PACRGL: variants seen among roughly 807,000 people sequenced by gnomAD.
PACRGL encodes the protein parkin coregulated like, also known as PACRG-like protein.
Under a neutral mutation model 34.5 loss-of-function variants are expected in PACRGL, and 38 were observed. The observed-to-expected ratio is 1.10, with a 90% CI of 0.85 to 1.44. The LOEUF (loss-of-function observed/expected upper bound fraction) is 1.44, where lower values mean the gene tolerates loss of function less well. Among genes scored for constraint, PACRGL ranks in the 40% most tolerant of loss-of-function variants. The pLI is 0.00. For synonymous variants in PACRGL, 128 were observed against 100.1 expected, an observed-to-expected ratio of 1.28 and a Z score of -1.66; for missense variants, 305 against 281.4, an observed-to-expected ratio of 1.08 and a Z score of -0.60.
upstream of PACRGL, among the ~76,000 whole-genome samples, chr4:20,697,434 G>A (rs542722322): frequency 1.1e-4 from 17 of 151,976 alleles, no homozygotes; most frequent in East Asian, 3.9e-4. Context: ...AAAAAAAATC[G>A]TCCTGAGTGG....
At chr4:20,758,066 C>T in the PACRGL span, among the ~76,000 whole-genome samples, 24 of 152,266 alleles carry the variant, frequency 1.6e-4, no homozygotes, top group Non-Finnish European at 3.4e-4. Context: ...TCTTAATTCC[C>T]CCTACGTGAT....
intron 7 of PACRGL, among the ~76,000 whole-genome samples, chr4:20,720,814 C>G (rs1742710649): frequency 6.6e-6 from 1 of 152,030 alleles, no homozygotes; most frequent in African/African-American, 2.4e-5. Flanking sequence ...TGGAGTTGCT[C>G]TTCTCAAGAA....
chr4:20,704,999 G>T (rs1733890315), intron 3 of PACRGL, among the ~76,000 whole-genome samples, 185 bp downstream of exon 3: 2 of 152,164 alleles, frequency 1.3e-5, no homozygotes, highest in South Asian at 4.1e-4. Flanking sequence ...TGAGTATGGA[G>T]GTAAGGAGAC....
intron 7 of PACRGL, among the ~76,000 whole-genome samples, chr4:20,723,869 G>A (rs1016456897): frequency 6.6e-6 from 1 of 151,992 alleles, no homozygotes; most frequent in Non-Finnish European, 1.5e-5. Flanking sequence ...TTAGTTCCTG[G>A]TCTATTACCA....
At chr4:20,706,296 A>T (rs1734439313) in intron 3 of PACRGL, among the ~76,000 whole-genome samples, 1 of 152,138 alleles carries the variant, frequency 6.6e-6, no homozygotes, top group Non-Finnish European at 1.5e-5. Context: ...GGGTATATTG[A>T]AATTTTAGGG....
At chr4:20,713,072 C>T in intron 6 of PACRGL, 150 bp downstream of exon 6, 2 of 811,172 alleles carry the variant, frequency 2.5e-6, no homozygotes, top group Non-Finnish European at 3.5e-6. Flanking sequence ...CAGAATTAGG[C>T]AACTGTTACT....
chr4:20,710,097 A>G (rs928848269), intron 5 of PACRGL, among the ~76,000 whole-genome samples: 3 of 152,198 alleles, frequency 2.0e-5, no homozygotes, highest in African/African-American at 7.2e-5. Context: ...TAAGGAAAAC[A>G]TCAGGGATTA....
At chr4:20,719,815 G>T (rs954508113) in intron 7 of PACRGL, among the ~76,000 whole-genome samples, 1 of 151,966 alleles carries the variant, frequency 6.6e-6, no homozygotes, top group African/African-American at 2.4e-5. Flanking sequence ...TGTTGATTTG[G>T]GGTGGAGAGT....
intron 1 of PACRGL, chr4:20,701,754 C>G (rs192604119): frequency 5.1e-5 from 22 of 430,170 alleles, no homozygotes; most frequent in Admixed American, 4.4e-4. Context: ...CTCCCTCCCC[C>G]CAGTCTCTTT....
At chr4:20,762,408 A>G in the PACRGL span, among the ~76,000 whole-genome samples, 13 of 152,230 alleles carry the variant, frequency 8.5e-5, no homozygotes, top group African/African-American at 3.1e-4. Flanking sequence ...CTAAATATTA[A>G]AAAATCAAAT....
upstream of PACRGL, among the ~76,000 whole-genome samples, chr4:20,700,078 A>C (rs1043855358): frequency 2.0e-5 from 3 of 152,088 alleles, no homozygotes; most frequent in Non-Finnish European, 4.4e-5. Flanking sequence ...CGGGGGGAGG[A>C]GTTCACAGTC....
chr4:20,713,125 G>A (rs1052076231), intron 6 of PACRGL: 15 of 579,344 alleles, frequency 2.6e-5, no homozygotes, highest in Admixed American at 3.6e-5. Flanking sequence ...TTTAGAGGAT[G>A]TACTAAAGGT....
intron 8 of PACRGL, among the ~76,000 whole-genome samples, chr4:20,744,721 A>G (rs554046783): frequency 2.6e-5 from 4 of 152,312 alleles, no homozygotes; most frequent in Admixed American, 6.5e-5. Flanking sequence ...TACATATGTA[A>G]CAAACCTGCA....
At chr4:20,727,255 T>G in intron 8 of PACRGL, 30 bp from the exon 9 acceptor site, 1 of 1,575,106 alleles carries the variant, frequency 6.3e-7, no homozygotes, top group Non-Finnish European at 8.7e-7. Flanking sequence ...TGCATGATAC[T>G]AATGATGCTC....
the PACRGL span, among the ~76,000 whole-genome samples, chr4:20,763,853 C>T: frequency 2.0e-5 from 3 of 152,260 alleles, no homozygotes; most frequent in East Asian, 5.8e-4. Flanking sequence ...CCCAGCCTCC[C>T]ACTGATGTTG....
the PACRGL span, among the ~76,000 whole-genome samples, chr4:20,766,564 TCAAACAAACAAA>T: frequency 3.3e-5 from 5 of 152,110 alleles, no homozygotes; most frequent in East Asian, 9.7e-4. Context: ...AAACTCCATC[TCAAACAAACAAA>T]CAAACAAACA....
In PACRGL at chr4:20,729,160, A is replaced by G. The variant is rs1246224870; in HGVS notation, c.*1819A>G. On this transcript the variant is annotated 3_prime_UTR_variant, in exon 9 of 9. Transcript: ENST00000503585. The stretch of plus-strand genomic sequence containing the variant: ...TAATATAAATAAACATGCTGTAAGG[A>G]AGTCAGGGGAAAGAGGACAGATTTG... 1 of 152,522 alleles carries G rather than the reference A, an allele frequency of 6.6e-6. No homozygotes were observed. 9.4% of individuals were successfully genotyped at this position (152,522 alleles called of 1,614,324 possible). A position where few individuals can be genotyped will look rare whatever the true frequency, so the allele number is the denominator to read the frequency against.
intron 8 of PACRGL, among the ~76,000 whole-genome samples, chr4:20,747,775 G>GA (rs1217273064): frequency 6.6e-6 from 1 of 152,176 alleles, no homozygotes; most frequent in Non-Finnish European, 1.5e-5. Context: ...CATGGAGTAT[G>GA]TGTGAGGAGG....
chr4:20,747,378 A>G (rs1012388033), intron 8 of PACRGL, among the ~76,000 whole-genome samples: 1 of 152,212 alleles, frequency 6.6e-6, no homozygotes, highest in African/African-American at 2.4e-5. Flanking sequence ...TTTGGCTTCT[A>G]TATTATAGAT....
Sources: allele counts gnomAD v4.1 joint callset (sites outside exome capture counted in the v4.1 genomes callset), GRCh38; gene constraint gnomAD v4.1.1; transcripts MANE v1.5; gene names NCBI Gene and HGNC (gene_info 2026-07-23, HGNC 2026-07-21).